EFCAB11: variants seen among roughly 807,000 people sequenced by gnomAD.
EFCAB11 encodes EF-hand calcium-binding domain-containing protein 11.
In EFCAB11, 14 loss-of-function variants were observed where a neutral mutation model predicts 23.0. That is an observed-to-expected ratio of 0.61 (90% CI 0.40 to 0.95). The LOEUF (loss-of-function observed/expected upper bound fraction) is 0.95, where lower values mean the gene tolerates loss of function less well. Ranked by LOEUF, EFCAB11 falls within the 40% of genes least tolerant of loss-of-function variation. The pLI, the probability that EFCAB11 is intolerant of heterozygous loss-of-function variation, is 0.00. For synonymous variants in EFCAB11, 65 were observed against 66.6 expected (o/e 0.98, Z 0.11); for missense variants, 198 against 195.8 (o/e 1.01, Z -0.07).
intron 5 of EFCAB11, among the ~76,000 whole-genome samples, chr14:89,842,113 A>T (rs1596395682): frequency 6.6e-6 from 1 of 152,204 alleles, no homozygotes; most frequent in South Asian, 2.1e-4. Context: ...AGCCACACCC[A>T]ACCATTTACC....
chr14:89,912,742 C>G (rs1358521155), intron 5 of EFCAB11, among the ~76,000 whole-genome samples: 5 of 152,158 alleles, frequency 3.3e-5, no homozygotes, highest in African/African-American at 1.2e-4. Flanking sequence ...GAATGCTAGG[C>G]AGTTGCTTAA....
chr14:89,909,740 A>G (rs189872635), intron 5 of EFCAB11, among the ~76,000 whole-genome samples: 1 of 152,078 alleles, frequency 6.6e-6, no homozygotes, highest in African/African-American at 2.4e-5. Context: ...CTCTCGTTCC[A>G]CCCACCCACT....
At chr14:89,917,203 C>G (rs770222497) in intron 5 of EFCAB11, among the ~76,000 whole-genome samples, 1 of 152,016 alleles carries the variant, frequency 6.6e-6, no homozygotes, top group Non-Finnish European at 1.5e-5. Context: ...AGAATTCATT[C>G]ACCCTGTAAC....
At chr14:89,861,943 A>T (rs934340284) in intron 5 of EFCAB11, among the ~76,000 whole-genome samples, 1 of 152,242 alleles carries the variant, frequency 6.6e-6, no homozygotes, top group South Asian at 2.1e-4. Flanking sequence ...CAAAAAATTG[A>T]CAGAGACACA....
intron 5 of EFCAB11, among the ~76,000 whole-genome samples, chr14:89,917,255 C>T (rs1351591208): frequency 3.9e-5 from 6 of 152,086 alleles, no homozygotes; most frequent in Admixed American, 1.3e-4. Flanking sequence ...CCATCTTCCC[C>T]ACTTCCCAGC....
chr14:89,876,867 G>T (rs751350242), intron 5 of EFCAB11, among the ~76,000 whole-genome samples: 90 of 152,146 alleles, frequency 5.9e-4, no homozygotes, highest in Non-Finnish European at 3.8e-4. Flanking sequence ...CTCTACAACG[G>T]CTGTAGGACC....
intron 5 of EFCAB11, among the ~76,000 whole-genome samples, chr14:89,918,031 G>A (rs1166274466): frequency 6.6e-6 from 1 of 152,154 alleles, no homozygotes; most frequent in African/African-American, 2.4e-5. Flanking sequence ...TGAACCCTGA[G>A]AAAAAGGACA....
At chr14:89,935,453 G>A (rs1168552810) in intron 3 of EFCAB11, among the ~76,000 whole-genome samples, 1 of 148,432 alleles carries the variant, frequency 6.7e-6, no homozygotes, top group Non-Finnish European at 1.5e-5. Flanking sequence ...CCAGGCTGGA[G>A]TGCAAAGGCT....
At chr14:89,847,721 A>G (rs1466976989) in intron 5 of EFCAB11, among the ~76,000 whole-genome samples, 1 of 148,722 alleles carries the variant, frequency 6.7e-6, no homozygotes, top group Non-Finnish European at 1.5e-5. Context: ...CCTGGGAAAC[A>G]AGAGAGAAAC....
At chr14:89,921,556 G>A (rs189977830) in intron 5 of EFCAB11, among the ~76,000 whole-genome samples, 15 of 152,288 alleles carry the variant, frequency 9.8e-5, no homozygotes, top group Non-Finnish European at 4.4e-5. Flanking sequence ...GAGATTAGGC[G>A]TTGCTAATAA....
chr14:89,829,444 A>G (rs1886814101), intron 5 of EFCAB11, among the ~76,000 whole-genome samples: 1 of 152,236 alleles, frequency 6.6e-6, no homozygotes, highest in Non-Finnish European at 1.5e-5. Flanking sequence ...CTGGGGTACG[A>G]TGATGACCAA....
At chr14:89,880,097 T>C (rs1804523461) in intron 5 of EFCAB11, among the ~76,000 whole-genome samples, 1 of 152,236 alleles carries the variant, frequency 6.6e-6, no homozygotes, top group Non-Finnish European at 1.5e-5. Flanking sequence ...ATGACTCGGC[T>C]ATGTTCTGAA....
chr14:89,938,248 A>C (rs1479782505), intron 3 of EFCAB11: 1 of 152,228 alleles, frequency 6.6e-6, no homozygotes, highest in Non-Finnish European at 1.5e-5. Context: ...GTAGAAAGGA[A>C]GGGTTCATGT....
At position 89,931,326 on chromosome 14, in the gene EFCAB11, C is replaced by T. The variant is rs1890381294; in HGVS notation, c.410+215G>A. On this transcript the variant is annotated intron_variant, in intron 5 of 5. Transcript: ENST00000316738. ...TGCTTGTATGCACCTGCCTGGTGTG[C>T]AAGCGCTCCCCCAACTTTACAGTTC... 9.6e-6 allele frequency: 5 copies of T among 520,010 alleles called. No individual in the cohort carries two copies. The East Asian group carries it at 1.3e-4, about 13-fold the overall frequency. 32.2% of individuals were successfully genotyped at this position (520,010 alleles called of 1,614,324 possible). A position where few individuals can be genotyped will look rare whatever the true frequency, so the allele number is the denominator to read the frequency against.
intron 3 of EFCAB11, among the ~76,000 whole-genome samples, chr14:89,942,046 C>T (rs896876253): frequency 2.0e-5 from 3 of 151,744 alleles, no homozygotes; most frequent in Admixed American, 6.6e-5. Flanking sequence ...TCCCCGTTCA[C>T]TCTCTCTCTC....
At chr14:89,923,567 A>T in intron 5 of EFCAB11, 2 of 594,018 alleles carry the variant, frequency 3.4e-6, no homozygotes, top group Non-Finnish European at 4.2e-6. Context: ...CCATTCACAC[A>T]GAAGGTATAG....
chr14:89,896,220 T>G (rs1889152690), intron 5 of EFCAB11, among the ~76,000 whole-genome samples: 1 of 152,006 alleles, frequency 6.6e-6, no homozygotes, highest in African/African-American at 2.4e-5. Context: ...CCGTCTCTAC[T>G]AAAAATACAA....
chr14:89,950,027 G>A (rs1473029809), intron 3 of EFCAB11, 70 bp downstream of exon 3: 4 of 1,429,798 alleles, frequency 2.8e-6, no homozygotes, highest in South Asian at 1.2e-5. Flanking sequence ...TGAGACTGAT[G>A]TAGGGACACA....
intron 5 of EFCAB11, among the ~76,000 whole-genome samples, chr14:89,888,396 C>T (rs1334627992): frequency 6.6e-6 from 1 of 152,198 alleles, no homozygotes; most frequent in African/African-American, 2.4e-5. Context: ...GCAGGCTTTA[C>T]AGGAAGCATG....
Sources: allele counts gnomAD v4.1 joint callset (sites outside exome capture counted in the v4.1 genomes callset), GRCh38; gene constraint gnomAD v4.1.1; transcripts MANE v1.5; gene names NCBI Gene and HGNC (gene_info 2026-07-23, HGNC 2026-07-21).